Variants in EPHA5 observed in about 807,000 individuals in gnomAD.
EPHA5 encodes the protein EPH receptor A5.
A neutral mutation model predicts 105.0 loss-of-function variants in EPHA5; 60 were observed. That is an observed-to-expected ratio of 0.57 (90% confidence interval 0.46 to 0.71). The LOEUF is 0.71. Ranked by LOEUF, EPHA5 falls within the 30% of genes least tolerant of loss-of-function variation. EPHA5 has a pLI of 0.00. For synonymous variants in EPHA5, 513 were observed against 449.1 expected (o/e 1.14, Z -1.80); for missense variants, 1,218 against 1,274.7 (o/e 0.96, Z 0.68).
In EPHA5 at chr4:65,323,157, A is replaced by G. The variant is rs1719771823; in HGVS notation, c.*957T>C. On this transcript the variant is annotated 3_prime_UTR_variant, in exon 17 of 17. Transcript: ENST00000613740. ...ACTGATATCACAAAATGTTTTTAAA[A>G]AGCCAAAGGGGATTTAGTCTTATAC... 3 of 228,636 alleles carry G rather than the reference A, an allele frequency of 1.3e-5. No homozygotes were observed. The highest frequency in any genetic ancestry group is 2.6e-5 in the Non-Finnish European group (3 of 115,202). The allele number at this position is 228,636 out of a possible 1,614,324, so 14.2% of individuals were successfully genotyped here. A position where few individuals can be genotyped will look rare whatever the true frequency, so the allele number is the denominator to read the frequency against.
At chr4:65,383,708 C>T (rs996644549) in intron 8 of EPHA5, among the ~76,000 whole-genome samples, 12 of 151,728 alleles carry the variant, frequency 7.9e-5, no homozygotes, top group African/African-American at 2.4e-4. Flanking sequence ...ATGGTATCTT[C>T]CTACCAACTT....
chr4:65,524,024 C>T (rs1287610199), intron 3 of EPHA5, among the ~76,000 whole-genome samples: 1 of 151,802 alleles, frequency 6.6e-6, no homozygotes, highest in Non-Finnish European at 1.5e-5. Flanking sequence ...TTGGTCTCTC[C>T]TTCCAAGCAG....
chr4:65,516,257 T>C (rs115654660), intron 3 of EPHA5, among the ~76,000 whole-genome samples: 186 of 152,308 alleles, frequency 1.2e-3, no homozygotes, highest in African/African-American at 4.3e-3. Context: ...ACACATGTTT[T>C]GTATGTTATA....
In EPHA5 at chr4:65,367,374, T is replaced by C. The variant is rs1208501614; in HGVS notation, c.1844A>G (p.His615Arg). Residue 615 changes from histidine to arginine, a missense_variant, in exon 9 of 17, where the codon CAT becomes CGT. This residue lies in a region of EPHA5 where 971 missense variants were observed against 1,013.5 expected (regional missense o/e 0.96). Transcript: ENST00000613740. ...AKQDPEEEKMHFHNGHIKLPG... is the reference protein window; with the variant it reads ...AKQDPEEEKMRFHNGHIKLPG... Reference sequence around the variant, plus strand: ...TTGCTTACTGTGCCCATTATGAAAATGCATCTTTTCCTCTTCTGGATCTTG... The same window carrying C: ...TTGCTTACTGTGCCCATTATGAAAACGCATCTTTTCCTCTTCTGGATCTTG... 16 of 1,611,742 alleles carry C rather than the reference T, an allele frequency of 9.9e-6. No homozygotes were observed. The highest frequency in any genetic ancestry group is 2.2e-5 in the East Asian group (1 of 44,820).
chr4:65,428,659 G>A (rs1239825690), intron 5 of EPHA5, among the ~76,000 whole-genome samples: 7 of 151,978 alleles, frequency 4.6e-5, no homozygotes, highest in Non-Finnish European at 5.9e-5. Context: ...AAACTAAAAT[G>A]CACCATTCAG....
In EPHA5 at chr4:65,613,326, C is replaced by A. The variant is rs542446357; in HGVS notation, c.247-11022G>T. On this transcript the variant is annotated intron_variant, in intron 2 of 16. Transcript: ENST00000613740. ...GTAATGTGATGCCTCCAGCTTTATT[C>A]TTTTTGCTTAGAATTCCTTTGACAA... Among the ~76,000 whole-genome samples, 4 of 152,066 alleles carry A rather than the reference C, an allele frequency of 2.6e-5. No individual in the cohort carries two copies. The South Asian group carries it at 8.3e-4, about 32-fold the overall frequency.
intron 5 of EPHA5, among the ~76,000 whole-genome samples, chr4:65,435,141 G>T (rs901965671): frequency 1.3e-5 from 2 of 152,104 alleles, no homozygotes; most frequent in Non-Finnish European, 2.9e-5. Flanking sequence ...AACACTGGTC[G>T]TAAACTATAT....
intron 2 of EPHA5, among the ~76,000 whole-genome samples, chr4:65,635,515 A>T (rs941567030): frequency 2.0e-5 from 3 of 152,174 alleles, no homozygotes; most frequent in African/African-American, 7.2e-5. Context: ...GAGGAAGCAC[A>T]GACAACTCAG....
intron 6 of EPHA5, 32 bp from the exon 7 acceptor site, chr4:65,414,475 G>C (rs750280357): frequency 1.2e-6 from 2 of 1,605,152 alleles, no homozygotes; most frequent in South Asian, 1.1e-5. Flanking sequence ...CAATAAAAAA[G>C]ACAGCATATA....
chr4:65,327,282 T>G (rs752831536), intron 16 of EPHA5, among the ~76,000 whole-genome samples: 68 of 151,240 alleles, frequency 4.5e-4, no homozygotes, highest in Admixed American at 1.5e-3. Context: ...TTGTTTGAAT[T>G]TTAACAGTGA....
At chr4:65,381,462 CA>C (rs1001580769) in intron 8 of EPHA5, among the ~76,000 whole-genome samples, 7 of 150,418 alleles carry the variant, frequency 4.7e-5, no homozygotes, top group Non-Finnish European at 7.4e-5. Flanking sequence ...TTTATAATTT[CA>C]AAAAAAATTA....
chr4:65,611,531 A>AG (rs1397854122), intron 2 of EPHA5, among the ~76,000 whole-genome samples: 1 of 151,874 alleles, frequency 6.6e-6, no homozygotes, highest in African/African-American at 2.4e-5. Flanking sequence ...TGGCAAAAAA[A>AG]AAAAAAAAAA....
chr4:65,487,610 G>T (rs1731001872), intron 5 of EPHA5, among the ~76,000 whole-genome samples: 1 of 152,062 alleles, frequency 6.6e-6, no homozygotes, highest in South Asian at 2.1e-4. Context: ...ACTTAAACTG[G>T]CTCATTTGGT....
intron 5 of EPHA5, among the ~76,000 whole-genome samples, chr4:65,434,029 T>C (rs1363300463): frequency 6.6e-6 from 1 of 152,048 alleles, no homozygotes; most frequent in African/African-American, 2.4e-5. Context: ...CACCCCAGCC[T>C]GGGCAAAAAG....
At chr4:65,615,204 AAAG>A (rs1390420426) in intron 2 of EPHA5, among the ~76,000 whole-genome samples, 14 of 151,818 alleles carry the variant, frequency 9.2e-5, no homozygotes, top group Non-Finnish European at 1.6e-4. Context: ...GAAAGTCTCA[AAAG>A]AAGGAGTAAG....
At chr4:65,649,936 G>A (rs576667914) in intron 1 of EPHA5, among the ~76,000 whole-genome samples, 16 of 152,028 alleles carry the variant, frequency 1.1e-4, no homozygotes, top group Admixed American at 8.5e-4. Context: ...TTCAAATCTC[G>A]ATTTTGATCA....
intron 5 of EPHA5, among the ~76,000 whole-genome samples, chr4:65,461,859 C>G (rs955393943): frequency 1.3e-5 from 2 of 151,840 alleles, no homozygotes; most frequent in African/African-American, 4.8e-5. Flanking sequence ...AAAATGAGAA[C>G]AAAAGCTAAT....
rs113914106 is a variant in EPHA5, at chr4:65,367,955, C to T, written c.1794-531G>A. On this transcript the variant is annotated intron_variant, in intron 8 of 16. Coordinates refer to ENST00000613740, the MANE Select transcript of EPHA5 (RefSeq NM_001281766.3). ...TGAAATTCACCACAACTTGCAAAGC[C>T]TCTCAGCTTCACTTTTCAAACCTTT... is the stretch of plus-strand genomic sequence containing the variant. Among the ~76,000 whole-genome samples, 799 of 152,066 alleles carry T rather than the reference C, an allele frequency of 5.3e-3. 10 individuals carry two copies. Among genetic ancestry groups the T allele is most frequent in the African/African-American group, 0.018 (745 of 41,514 alleles).
chr4:65,614,901 G>A (rs1007832934), intron 2 of EPHA5, among the ~76,000 whole-genome samples: 1 of 151,674 alleles, frequency 6.6e-6, no homozygotes, highest in Non-Finnish European at 1.5e-5. Flanking sequence ...AAGTACTAAT[G>A]TCATCAACAA....
Sources: allele counts gnomAD v4.1 joint callset (sites outside exome capture counted in the v4.1 genomes callset), GRCh38; gene constraint gnomAD v4.1.1; regional missense constraint gnomAD v4.1.1; transcripts MANE v1.5; gene names NCBI Gene and HGNC (gene_info 2026-07-23, HGNC 2026-07-21).